The following HDAC8 variants were observed in gnomAD, a reference collection of about 807,000 sequenced individuals.
HDAC8 encodes the protein histone deacetylase-like 1.
A neutral mutation model predicts 32.2 loss-of-function variants in HDAC8; 1 was observed. That is an observed-to-expected ratio of 0.03 (90% CI 0.01 to 0.15). HDAC8 has a LOEUF of 0.15. Among genes scored for constraint, HDAC8 ranks in the 10% least tolerant of loss-of-function variants. The pLI is 1.00. For synonymous variants in HDAC8, 108 were observed against 113.9 expected (o/e 0.95, Z 0.33); for missense variants, 117 against 300.0 (o/e 0.39, Z 4.51).
At chrX:72,331,889 C>G (rs1230848422) in intron 10 of HDAC8, among the ~76,000 whole-genome samples, 1 of 112,276 alleles carries the variant, frequency 8.9e-6, no homozygotes, top group Non-Finnish European at 1.9e-5. Context: ...TTTATCACCA[C>G]AAAGATTTCC....
At chrX:72,421,499 T>C (rs1345874540) in intron 9 of HDAC8, among the ~76,000 whole-genome samples, 4 of 112,340 alleles carry the variant, frequency 3.6e-5, no homozygotes, top group African/African-American at 1.3e-4. Context: ...CTGAGGATAA[T>C]GGCTTCCAAC....
intron 4 of HDAC8, among the ~76,000 whole-genome samples, chrX:72,516,485 C>G (rs113076161): frequency 0.057 from 6,288 of 110,666 alleles, 419 homozygotes; most frequent in African/African-American, 0.2. Context: ...ATACAGCATT[C>G]CCTTTCTTAA....
intron 3 of HDAC8, 26 bp from the exon 4 acceptor site, chrX:72,568,056 G>T (rs1556139287): frequency 8.5e-7 from 1 of 1,182,924 alleles, no homozygotes; most frequent in South Asian, 1.8e-5. Flanking sequence ...AGAAGAGCTG[G>T]TTAAAAGGTG....
chrX:72,439,639 C>CAAAAAAAAAAA (rs782744436), intron 9 of HDAC8, among the ~76,000 whole-genome samples: 1 of 36,230 alleles, frequency 2.8e-5, no homozygotes. Context: ...AAATGGAAAG[C>CAAAAAAAAAAA]AAAAAAAAAA....
At chrX:72,436,548 C>A (rs782434423) in intron 9 of HDAC8, among the ~76,000 whole-genome samples, 7 of 109,567 alleles carry the variant, frequency 6.4e-5, no homozygotes, top group Non-Finnish European at 1.3e-4. Flanking sequence ...AAGAACTTAT[C>A]AGCAGATCTA....
At chrX:72,528,309 A>G (rs1402976748) in intron 4 of HDAC8, among the ~76,000 whole-genome samples, 1 of 111,896 alleles carries the variant, frequency 8.9e-6, no homozygotes, top group Non-Finnish European at 1.9e-5. Context: ...AAATGGATGA[A>G]TGAGAAGATA....
At chrX:72,485,557 G>A (rs1482484981) in intron 7 of HDAC8, among the ~76,000 whole-genome samples, 1 of 110,000 alleles carries the variant, frequency 9.1e-6, no homozygotes, top group Non-Finnish European at 1.9e-5. Flanking sequence ...AGGAAAAGAG[G>A]AGGAAAGAAA....
chrX:72,415,374 G>T (rs2046305095), intron 9 of HDAC8, among the ~76,000 whole-genome samples: 1 of 111,857 alleles, frequency 8.9e-6, no homozygotes, highest in Non-Finnish European at 1.9e-5. Flanking sequence ...GAGTCCTCCT[G>T]CTTTATCCTT....
chrX:72,409,540 A>T (rs899500898), intron 9 of HDAC8, among the ~76,000 whole-genome samples: 1 of 112,441 alleles, frequency 8.9e-6, no homozygotes, highest in Non-Finnish European at 1.9e-5. Context: ...ATTCAAACAT[A>T]TTCTGCCCTA....
At chrX:72,551,455 A>G (rs2051067482) in intron 4 of HDAC8, among the ~76,000 whole-genome samples, 2 of 112,067 alleles carry the variant, frequency 1.8e-5, no homozygotes, top group African/African-American at 3.2e-5. Context: ...ATTAAATGAG[A>G]CAAAATATGT....
intron 10 of HDAC8, among the ~76,000 whole-genome samples, chrX:72,333,723 TC>T (rs2043600704): frequency 9.4e-6 from 1 of 106,590 alleles, no homozygotes; most frequent in Non-Finnish European, 1.9e-5. Flanking sequence ...CTTTAGCAGT[TC>T]CCGACCTACC....
rs782433883 is a variant in HDAC8, at chrX:72,479,826, G to C, written c.737+9107C>G. Among the ~76,000 whole-genome samples, 6 of 112,165 alleles carry C rather than the reference G, an allele frequency of 5.3e-5. No homozygotes were observed. The East Asian group carries it at 1.1e-3, about 21-fold the overall frequency. ...TAAGGATTAGGTGAGAGAAAACACC[G>C]GTTCGCCACTGCAACCCTAAACAAA... On this transcript the variant is annotated intron_variant, in intron 7 of 10. Coordinates refer to ENST00000373573, the MANE Select transcript of HDAC8 (RefSeq NM_018486.3).
intron 1 of HDAC8, 39 bp downstream of exon 1, chrX:72,572,612 C>CCCCCCCA: frequency 1.4e-6 from 1 of 691,987 alleles, no homozygotes; most frequent in Non-Finnish European, 2.0e-6. Context: ...CCCACCCCCA[C>CCCCCCCA]CCCCAAAGCC....
chrX:72,383,869 C>CA (rs782518910), intron 9 of HDAC8, among the ~76,000 whole-genome samples: 2,232 of 28,775 alleles, frequency 0.078, 83 homozygotes, highest in East Asian at 0.17. Flanking sequence ...GATGCCATCT[C>CA]AAAAAAAAAA....
chrX:72,494,973 C>G (rs782352637), intron 5 of HDAC8, among the ~76,000 whole-genome samples, 183 bp downstream of exon 5: 3 of 111,392 alleles, frequency 2.7e-5, no homozygotes, highest in African/African-American at 3.3e-5. Flanking sequence ...ATTACAGGAG[C>G]CTGGCTTGGG....
intron 4 of HDAC8, among the ~76,000 whole-genome samples, chrX:72,554,823 T>C (rs1330036880): frequency 9.0e-6 from 1 of 111,587 alleles, no homozygotes; most frequent in Non-Finnish European, 1.9e-5. Flanking sequence ...GGTCATAATC[T>C]CTTGGGAGTT....
intron 9 of HDAC8, among the ~76,000 whole-genome samples, chrX:72,433,973 G>A (rs927100494): frequency 8.9e-6 from 1 of 112,420 alleles, no homozygotes; most frequent in African/African-American, 3.2e-5. Flanking sequence ...TTTCTCATAG[G>A]ATTTTTGTGA....
chrX:72,488,163 G>T (rs1317036925), intron 7 of HDAC8, among the ~76,000 whole-genome samples: 1 of 111,256 alleles, frequency 9.0e-6, no homozygotes, highest in Non-Finnish European at 1.9e-5. Flanking sequence ...GGCTTCTTTG[G>T]GAAGAACCTC....
chrX:72,510,322 A>G (rs1238526858), intron 4 of HDAC8, among the ~76,000 whole-genome samples: 3 of 112,215 alleles, frequency 2.7e-5, no homozygotes, highest in African/African-American at 9.7e-5. Context: ...CCTAGGAAAT[A>G]AATACAACAG....
Sources: allele counts gnomAD v4.1 joint callset (sites outside exome capture counted in the v4.1 genomes callset), GRCh38; gene constraint gnomAD v4.1.1; transcripts MANE v1.5; gene names NCBI Gene and HGNC (gene_info 2026-07-23, HGNC 2026-07-21).